UBTD2: variants seen among roughly 807,000 people sequenced by gnomAD.
UBTD2 encodes the protein ubiquitin domain containing 2.
In UBTD2, 9 loss-of-function variants were observed where a neutral mutation model predicts 19.8. The ratio of observed to expected loss-of-function variants is 0.46; its 90% CI spans 0.27 to 0.79. UBTD2 has a LOEUF of 0.79. Among genes scored for constraint, UBTD2 ranks in the 30% least tolerant of loss-of-function variants. UBTD2 has a pLI of 0.14. For synonymous variants in UBTD2, 98 were observed against 103.9 expected, an observed-to-expected ratio of 0.94 and a Z score of 0.35; for missense variants, 250 against 300.4, an observed-to-expected ratio of 0.83 and a Z score of 1.24.
rs774634098 is a variant in UBTD2 at position 172,212,016 on chromosome 5, T to C, written c.519A>G (p.Thr173=). Residue 173 remains threonine, a synonymous_variant, in exon 3 of 3, where the codon ACA becomes ACG. Transcript: ENST00000393792. ...DLKLVVRSTD[T]VFHMKRRLHA... ...GCAACCGTCTCTTCATGTGGAATACTGTGTCTGTGCTGCGAACCACAAGCT... is the reference window on the plus strand; with the variant it reads ...GCAACCGTCTCTTCATGTGGAATACCGTGTCTGTGCTGCGAACCACAAGCT... The C allele has an allele frequency of 3.1e-6, 5 of 1,614,148 alleles. No homozygotes were observed. Among genetic ancestry groups the C allele is most frequent in the African/African-American group, 1.3e-5 (1 of 74,950 alleles).
chr5:172,230,736 A>C (rs1160633123), intron 2 of UBTD2, among the ~76,000 whole-genome samples: 3 of 152,146 alleles, frequency 2.0e-5, no homozygotes, highest in African/African-American at 7.2e-5. Flanking sequence ...GGGATATTTA[A>C]GGGGTAGTAC....
At chr5:172,255,261 C>G (rs1447138758) in intron 1 of UBTD2, 2 of 461,496 alleles carry the variant, frequency 4.3e-6, no homozygotes, top group Non-Finnish European at 4.4e-6. Context: ...CTGGCTCCAT[C>G]TGTATTCCAT....
chr5:172,260,870 T>C (rs1581229806), intron 1 of UBTD2, among the ~76,000 whole-genome samples: 1 of 152,178 alleles, frequency 6.6e-6, no homozygotes, highest in East Asian at 1.9e-4. Context: ...CTCCGATTCA[T>C]TTAGGAAGAG....
intron 2 of UBTD2, among the ~76,000 whole-genome samples, chr5:172,228,551 T>C (rs1771818712): frequency 6.6e-6 from 1 of 152,048 alleles, no homozygotes; most frequent in Non-Finnish European, 1.5e-5. Flanking sequence ...TGAAACCCGG[T>C]CTCTACTAAA....
At chr5:172,246,975 C>G (rs942341586) in intron 1 of UBTD2, among the ~76,000 whole-genome samples, 7 of 151,294 alleles carry the variant, frequency 4.6e-5, no homozygotes, top group Non-Finnish European at 7.4e-5. Context: ...CGGCTGGTCT[C>G]AAACTCCTGA....
intron 2 of UBTD2, among the ~76,000 whole-genome samples, chr5:172,228,873 A>G (rs1486814658): frequency 6.6e-6 from 1 of 152,156 alleles, no homozygotes; most frequent in African/African-American, 2.4e-5. Context: ...GTTTTTTTAA[A>G]AATTAAATTT....
At chr5:172,257,955 T>C (rs149234529) in intron 1 of UBTD2, among the ~76,000 whole-genome samples, 265 of 152,310 alleles carry the variant, frequency 1.7e-3, no homozygotes, top group Non-Finnish European at 2.9e-3. Flanking sequence ...ATTGTGTAGG[T>C]TGTCTGTTTA....
intron 1 of UBTD2, among the ~76,000 whole-genome samples, chr5:172,266,327 A>G (rs1435990002): frequency 6.6e-6 from 1 of 152,226 alleles, no homozygotes; most frequent in Non-Finnish European, 1.5e-5. Flanking sequence ...TAAAGACTGC[A>G]TCGGTATCCC....
chr5:172,218,957 T>A (rs1450677943), intron 2 of UBTD2, among the ~76,000 whole-genome samples: 3 of 151,738 alleles, frequency 2.0e-5, no homozygotes, highest in African/African-American at 4.8e-5. Flanking sequence ...AGAGAAGACA[T>A]CACTACAGAT....
chr5:172,239,224 G>A (rs984277237), intron 1 of UBTD2, among the ~76,000 whole-genome samples: 1 of 152,134 alleles, frequency 6.6e-6, no homozygotes, highest in African/African-American at 2.4e-5. Context: ...CTGACAGATA[G>A]GAAACTAAGA....
chr5:172,283,656 A>G lies in UBTD2; in HGVS notation c.10T>C (p.Cys4Arg). The G allele has an allele frequency of 8.0e-7, 1 of 1,251,126 alleles. No individual in the cohort carries two copies. Among genetic ancestry groups the G allele is most frequent in the Non-Finnish European group, 1.0e-6 (1 of 993,052 alleles). 77.5% of individuals were successfully genotyped at this position (1,251,126 alleles called of 1,614,324 possible). Residue 4 changes from cysteine (C) to arginine (R), a missense_variant, in exon 1 of 3, where the codon TGT becomes CGT. Physicochemically the swap from Cys to Arg is radical, Grantham distance 180. Coordinates refer to ENST00000393792, the MANE Select transcript of UBTD2 (RefSeq NM_152277.3). This position sits in a 1 kb window ranked among gnomAD's most constrained non-coding sequence, Gnocchi z 4.3. The part of the protein sequence containing the change: MGG[C>R]VGAQHDSSGS... The stretch of plus-strand genomic sequence containing the variant: ...GAGGAGTCGTGCTGGGCGCCCACAC[A>G]CCCGCCCATGGGGGCCCCCGGCGCC...
chr5:172,225,043 T>C lies in UBTD2; in HGVS notation c.307+9079A>G, dbSNP rs115032619. On this transcript the variant is annotated intron_variant, in intron 2 of 2. Transcript: ENST00000393792. Reference sequence around the variant, plus strand: ...AGTTTTAACATAGTTCTAGCCAGGATTGCTCAGATTGCTCACCTAACATCC... The same window carrying C: ...AGTTTTAACATAGTTCTAGCCAGGACTGCTCAGATTGCTCACCTAACATCC... Among the ~76,000 whole-genome samples, 647 of 152,264 alleles carry C rather than the reference T, an allele frequency of 4.2e-3. 7 individuals are homozygous for C. Among genetic ancestry groups the C allele is most frequent in the African/African-American group, 0.014 (599 of 41,552 alleles).
At chr5:172,244,255 T>C (rs1398744936) in intron 1 of UBTD2, among the ~76,000 whole-genome samples, 1 of 151,650 alleles carries the variant, frequency 6.6e-6, no homozygotes, top group Non-Finnish European at 1.5e-5. Context: ...TTTTATTTGA[T>C]GAATCAATTT....
At position 172,210,462 on chromosome 5, in the gene UBTD2, C is replaced by G. The variant is rs1373157663; in HGVS notation, c.*1368G>C. ...TTAGCCCCCCTTCTCACTTATGGAA[C>G]CAACTTTTAAAAGGCTCCAAATTCA... On this transcript the variant is annotated 3_prime_UTR_variant, in exon 3 of 3. Coordinates refer to ENST00000393792, the MANE Select transcript of UBTD2 (RefSeq NM_152277.3). 2 of 152,154 alleles carry G rather than the reference C, an allele frequency of 1.3e-5. No individual in the cohort carries two copies. Among genetic ancestry groups the G allele is most frequent in the Non-Finnish European group, 2.9e-5 (2 of 68,028 alleles). The allele number at this position is 152,154 out of a possible 1,614,324, so 9.4% of individuals were successfully genotyped here.
chr5:172,255,946 G>T (rs547041606), intron 1 of UBTD2, among the ~76,000 whole-genome samples: 1 of 151,960 alleles, frequency 6.6e-6, no homozygotes, highest in African/African-American at 2.4e-5. Context: ...AAAATTAGCC[G>T]GGCGTGGTGG....
chr5:172,238,586 C>T lies in UBTD2; in HGVS notation c.71-4228G>A, dbSNP rs73315974. On this transcript the variant is annotated intron_variant, in intron 1 of 2. Transcript: ENST00000393792. ...TTAAACACTTCTTCCCACTCTGTAA[C>T]AAATAAACAGATCTAACACACAGAA... is the stretch of plus-strand genomic sequence containing the variant. Among the ~76,000 whole-genome samples, 1,086 of 152,258 alleles carry T rather than the reference C, an allele frequency of 7.1e-3. 11 individuals carry two copies. The highest frequency in any genetic ancestry group is 0.025 in the African/African-American group (1,031 of 41,548).
chr5:172,234,068 A>G, intron 2 of UBTD2, 54 bp downstream of exon 2: 1 of 1,579,058 alleles, frequency 6.3e-7, no homozygotes, highest in East Asian at 2.2e-5. Context: ...GTTTCTTGCT[A>G]TCAGAAACAA....
intron 2 of UBTD2, among the ~76,000 whole-genome samples, chr5:172,232,293 C>T (rs1771916611): frequency 7.4e-6 from 1 of 135,942 alleles, no homozygotes; most frequent in Non-Finnish European, 1.5e-5. Flanking sequence ...AATAAGTTAC[C>T]AAAAGAAAAA....
intron 1 of UBTD2, among the ~76,000 whole-genome samples, chr5:172,239,541 C>A (rs1391837502): frequency 6.6e-6 from 1 of 151,996 alleles, no homozygotes; most frequent in African/African-American, 2.4e-5. Context: ...CTGCCTCAGC[C>A]TCCCGAGTAG....
Sources: allele counts gnomAD v4.1 joint callset (sites outside exome capture counted in the v4.1 genomes callset), GRCh38; gene constraint gnomAD v4.1.1; non-coding constraint Gnocchi (gnomAD v3.1); transcripts MANE v1.5; gene names NCBI Gene and HGNC (gene_info 2026-07-23, HGNC 2026-07-21).